Variants in PLXNC1 observed in about 807,000 individuals in gnomAD.
The protein encoded by PLXNC1 is plexin C1, also known as plexin-C1.
Under a neutral mutation model 178.2 loss-of-function variants are expected in PLXNC1, and 75 were observed. The ratio of observed to expected loss-of-function variants is 0.42; its 90% CI spans 0.35 to 0.51. PLXNC1 has a LOEUF of 0.51. Among genes scored for constraint, PLXNC1 ranks in the 20% least tolerant of loss-of-function variants. The pLI is 0.02. For missense variants in PLXNC1, 1,503 were observed against 1,984.4 expected (o/e 0.76, Z 4.61); for synonymous variants, 790 against 779.9 (o/e 1.01, Z -0.22).
chr12:94,169,401 AC>A (rs1961757673), intron 2 of PLXNC1, 108 bp downstream of exon 2: 1 of 869,042 alleles, frequency 1.2e-6, no homozygotes, highest in Non-Finnish European at 1.8e-6. Flanking sequence ...CAAACCAAGA[AC>A]TTCATGAACT....
rs368186032 is a variant in PLXNC1 at position 94,307,398 on chromosome 12, ACAAT to A, written c.*2116_*2119del. ...TGGCCAAATTAGATGTGTGCTGAAG[ACAAT>A]CAGTCACTGGGTCTATATTAAACAG... On this transcript the variant is annotated 3_prime_UTR_variant, in exon 31 of 31. Transcript: ENST00000258526. The A allele has an allele frequency of 2.6e-5, 4 of 152,218 alleles. No homozygotes were observed. Among genetic ancestry groups the A allele is most frequent in the African/African-American group, 7.2e-5 (3 of 41,468 alleles). The allele number at this position is 152,218 out of a possible 1,614,324, so 9.4% of individuals were successfully genotyped here. A position where few individuals can be genotyped will look rare whatever the true frequency, so the allele number is the denominator to read the frequency against.
chr12:94,254,653 T>C, intron 15 of PLXNC1, 134 bp from the exon 16 acceptor site: 7 of 728,154 alleles, frequency 9.6e-6, no homozygotes, highest in Non-Finnish European at 1.7e-5. Flanking sequence ...TCTAGTTTCA[T>C]TCTAGCTCCT....
chr12:94,185,794 G>C (rs1962487301), intron 3 of PLXNC1: 1 of 152,482 alleles, frequency 6.6e-6, no homozygotes, highest in South Asian at 2.1e-4. Flanking sequence ...TCCTGGGGCA[G>C]AGCCTTTGTT....
chr12:94,269,384 C>G (rs1592846520), intron 21 of PLXNC1, among the ~76,000 whole-genome samples: 2 of 152,210 alleles, frequency 1.3e-5, no homozygotes, highest in South Asian at 2.1e-4. Context: ...TTTATGCCAG[C>G]CTACCCCAGT....
chr12:94,169,621 C>A (rs916178247), intron 2 of PLXNC1, among the ~76,000 whole-genome samples: 1 of 152,174 alleles, frequency 6.6e-6, no homozygotes, highest in Non-Finnish European at 1.5e-5. Context: ...GACATGTAAC[C>A]TTTTAGTTCT....
chr12:94,215,630 A>G (rs1179120206), intron 5 of PLXNC1, among the ~76,000 whole-genome samples: 2 of 152,160 alleles, frequency 1.3e-5, no homozygotes, highest in East Asian at 3.8e-4. Flanking sequence ...GTTTAAAAAT[A>G]GGAATATAGA....
rs1364845111 is a variant in PLXNC1, at chr12:94,220,144, A to G, written c.1683A>G (p.Pro561=). ...QPNRTCTCSI[P]TRATYKDVSV... is the part of the protein sequence containing the mutation. ...ACCGGACCTGCACCTGTAGCATCCCAACCAGAGCAACCTACAAAGGTATGT... is the reference window on the plus strand; with the variant it reads ...ACCGGACCTGCACCTGTAGCATCCCGACCAGAGCAACCTACAAAGGTATGT... Residue 561 remains proline, a synonymous_variant, in exon 6 of 31, where the codon CCA becomes CCG. Transcript: ENST00000258526. 4 of 1,613,944 alleles carry G rather than the reference A, an allele frequency of 2.5e-6. No individual in the cohort carries two copies. The African/African-American group carries it at 4.0e-5, about 16-fold the overall frequency.
At chr12:94,224,749 A>C (rs905177134) in intron 7 of PLXNC1, among the ~76,000 whole-genome samples, 1 of 152,150 alleles carries the variant, frequency 6.6e-6, no homozygotes, top group African/African-American at 2.4e-5. Flanking sequence ...CTACAAAAAA[A>C]CACAAAAGTT....
chr12:94,223,840 T>G (rs558041758), intron 6 of PLXNC1, among the ~76,000 whole-genome samples: 1 of 152,320 alleles, frequency 6.6e-6, no homozygotes, highest in African/African-American at 2.4e-5. Flanking sequence ...TTTCTAATGC[T>G]CCGGTTTTCA....
At chr12:94,197,443 C>CTCTCTCTCTCTCTCTCTCTCTCTCTCTG (rs1180708545) in intron 4 of PLXNC1, among the ~76,000 whole-genome samples, 3 of 151,014 alleles carry the variant, frequency 2.0e-5, no homozygotes, top group African/African-American at 7.4e-5. Flanking sequence ...CCCTTTCTCT[C>CTCTCTCTCTCTCTCTCTCTCTCTCTCTG]TCTCTCTCTC....
intron 21 of PLXNC1, among the ~76,000 whole-genome samples, chr12:94,268,168 T>C (rs758386255): frequency 2.0e-5 from 3 of 152,204 alleles, no homozygotes; most frequent in Non-Finnish European, 4.4e-5. Flanking sequence ...GCACCTCATA[T>C]AGCAATCTAA....
At chr12:94,167,124 G>A (rs1325711134) in intron 1 of PLXNC1, among the ~76,000 whole-genome samples, 2 of 152,140 alleles carry the variant, frequency 1.3e-5, no homozygotes, top group African/African-American at 4.8e-5. Context: ...TGGTAATTTG[G>A]GACGGATTTT....
At chr12:94,263,611 A>G (rs1008473503) in intron 20 of PLXNC1, among the ~76,000 whole-genome samples, 2 of 152,118 alleles carry the variant, frequency 1.3e-5, no homozygotes, top group African/African-American at 4.8e-5. Flanking sequence ...TCAGGGCATT[A>G]CTTGGGGTGG....
chr12:94,259,200 C>T lies in PLXNC1; in HGVS notation c.3088-137C>T. The T allele has an allele frequency of 6.4e-6, 4 of 627,730 alleles. No individual in the cohort carries two copies. The South Asian group carries it at 7.7e-5, about 12-fold the overall frequency. The allele number at this position is 627,730 out of a possible 1,614,324, so 38.9% of individuals were successfully genotyped here. On this transcript the variant is annotated intron_variant, in intron 17 of 30. Transcript: ENST00000258526. ...TATTATGTATTAGAGAATACGCAGC[C>T]ACCATAAACCCAGGGGCGCTTCAGA... is the stretch of plus-strand genomic sequence containing the variant.
intron 9 of PLXNC1, among the ~76,000 whole-genome samples, chr12:94,232,885 G>C (rs2136039922): frequency 6.6e-6 from 1 of 151,948 alleles, no homozygotes; most frequent in Non-Finnish European, 1.5e-5. Flanking sequence ...TGGTAGGTAA[G>C]AAATATGAAT....
intron 22 of PLXNC1, 51 bp downstream of exon 22, chr12:94,279,700 C>A (rs1429771567): frequency 6.7e-7 from 1 of 1,498,416 alleles, no homozygotes; most frequent in Admixed American, 1.7e-5. Context: ...AGTGTCCCTC[C>A]CTGCCTGCCC....
Position 94,297,435 on chromosome 12 carries a change from G to A in PLXNC1, c.4074+12G>A. On this transcript the variant is annotated intron_variant, in intron 26 of 30. Transcript: ENST00000258526. ...TGCTGTCGACCAAGGTACACTTACT[G>A]TTCTGGGAGCACTTTATGGCTACCT... 7 of 1,584,444 alleles carry A rather than the reference G, an allele frequency of 4.4e-6. No homozygotes were observed. Among genetic ancestry groups the A allele is most frequent in the Non-Finnish European group, 6.1e-6 (7 of 1,154,362 alleles).
chr12:94,178,444 A>G (rs1019537322), intron 2 of PLXNC1, among the ~76,000 whole-genome samples: 3 of 152,034 alleles, frequency 2.0e-5, no homozygotes, highest in African/African-American at 7.3e-5. Context: ...TAATATTTCT[A>G]TCAGTGTTTG....
intron 6 of PLXNC1, among the ~76,000 whole-genome samples, chr12:94,222,728 T>C (rs116358265): frequency 6.6e-6 from 1 of 152,328 alleles, no homozygotes; most frequent in South Asian, 2.1e-4. Flanking sequence ...TGAAAAAAAG[T>C]ATGACTTTTG....
Sources: gnomAD v4.1 joint callset for allele counts (sites outside exome capture counted in the v4.1 genomes callset) on GRCh38, gnomAD v4.1.1 for gene constraint, MANE v1.5 for transcripts, NCBI Gene and HGNC (gene_info 2026-07-23, HGNC 2026-07-21) for gene names.